NFIB: variants seen among roughly 807,000 people sequenced by gnomAD.
The protein encoded by NFIB is nuclear factor I B.
Under a neutral mutation model 61.5 loss-of-function variants are expected in NFIB, and 11 were observed. That is an observed-to-expected ratio of 0.18 (90% CI 0.11 to 0.30). The LOEUF (loss-of-function observed/expected upper bound fraction) is 0.30. Among genes scored for constraint, NFIB ranks in the 10% least tolerant of loss-of-function variants. The pLI is 1.00. For synonymous variants in NFIB, 260 were observed against 216.5 expected, an observed-to-expected ratio of 1.20 and a Z score of -1.76; for missense variants, 471 against 608.9, an observed-to-expected ratio of 0.77 and a Z score of 2.38.
chr9:14,354,780 C>CTGTGTGTG (rs67877825), intron 1 of NFIB, among the ~76,000 whole-genome samples: 5,468 of 145,798 alleles, frequency 0.038, 116 homozygotes, highest in Non-Finnish European at 0.048. Context: ...AATGGGTACT[C>CTGTGTGTG]TGTGTGTGTG....
chr9:14,102,398 G>A, intron 10 of NFIB: 1 of 1,528,720 alleles, frequency 6.5e-7, no homozygotes, highest in Non-Finnish European at 8.9e-7. Context: ...GTAAGTGTAG[G>A]GTTGGAAATA....
intron 2 of NFIB, among the ~76,000 whole-genome samples, chr9:14,235,314 G>C (rs1227160615): frequency 6.6e-6 from 1 of 152,182 alleles, no homozygotes; most frequent in Non-Finnish European, 1.5e-5. Context: ...TTTGTGTTTA[G>C]GAACTCCCAG....
At chr9:14,207,860 G>T (rs1435465789) in intron 2 of NFIB, among the ~76,000 whole-genome samples, 2 of 151,974 alleles carry the variant, frequency 1.3e-5, no homozygotes, top group African/African-American at 4.8e-5. Context: ...CTGAAAGACA[G>T]ATCCACCAAC....
intron 1 of NFIB, among the ~76,000 whole-genome samples, chr9:14,344,634 T>C (rs1003564250): frequency 3.3e-5 from 5 of 152,146 alleles, no homozygotes; most frequent in African/African-American, 1.2e-4. Flanking sequence ...AAGGATCCTA[T>C]TAATAATTGA....
chr9:14,407,781 G>A, the NFIB span, among the ~76,000 whole-genome samples: 1 of 152,054 alleles, frequency 6.6e-6, no homozygotes, highest in African/African-American at 2.4e-5. Context: ...AAACTCCTGG[G>A]CTCAAGCAAT....
At chr9:14,415,150 T>C in the NFIB span, among the ~76,000 whole-genome samples, 1 of 152,198 alleles carries the variant, frequency 6.6e-6, no homozygotes, top group East Asian at 1.9e-4. Context: ...ACTCAGGTTC[T>C]TAATAGAATT....
At chr9:14,278,596 A>G (rs1204319810) in intron 2 of NFIB, among the ~76,000 whole-genome samples, 1 of 152,140 alleles carries the variant, frequency 6.6e-6, no homozygotes, top group Non-Finnish European at 1.5e-5. Flanking sequence ...TTGGGTTTGG[A>G]GGTTAGTGAG....
intron 1 of NFIB, among the ~76,000 whole-genome samples, chr9:14,352,606 A>G (rs1032265855): frequency 6.6e-6 from 1 of 152,186 alleles, no homozygotes; most frequent in Non-Finnish European, 1.5e-5. Context: ...TGGACAAGCA[A>G]GTGTTTCCAT....
chr9:14,505,917 G>A, the NFIB span, among the ~76,000 whole-genome samples: 2 of 152,128 alleles, frequency 1.3e-5, no homozygotes, highest in Non-Finnish European at 2.9e-5. Flanking sequence ...CAAAGTAAAT[G>A]ATGTATTTTT....
At chr9:14,460,482 C>A in the NFIB span, among the ~76,000 whole-genome samples, 2 of 151,748 alleles carry the variant, frequency 1.3e-5, no homozygotes, top group South Asian at 4.2e-4. Flanking sequence ...CAAACCTGCA[C>A]GTTGTGCACA....
the NFIB span, among the ~76,000 whole-genome samples, chr9:14,412,825 C>A: frequency 1.3e-5 from 2 of 152,170 alleles, no homozygotes; most frequent in Admixed American, 1.3e-4. Context: ...GGAGCTTTTA[C>A]ATTTTATTTA....
chr9:14,238,012 G>T (rs576637914), intron 2 of NFIB, among the ~76,000 whole-genome samples: 7 of 152,150 alleles, frequency 4.6e-5, no homozygotes, highest in African/African-American at 1.7e-4. Context: ...TATGAAATAT[G>T]TGAGGTAGCT....
the NFIB span, among the ~76,000 whole-genome samples, chr9:14,517,951 T>A: frequency 6.6e-6 from 1 of 152,202 alleles, no homozygotes; most frequent in Non-Finnish European, 1.5e-5. Context: ...TAGCTCCAAG[T>A]CAGGCAATAC....
At chr9:14,519,990 G>T in the NFIB span, among the ~76,000 whole-genome samples, 1 of 151,616 alleles carries the variant, frequency 6.6e-6, no homozygotes. Context: ...AGTTCTCTAC[G>T]TTATAAACAT....
intron 2 of NFIB, among the ~76,000 whole-genome samples, chr9:14,286,416 T>G (rs1433980100): frequency 2.0e-5 from 3 of 152,240 alleles, no homozygotes; most frequent in Non-Finnish European, 4.4e-5. Context: ...CATGCTTGTA[T>G]GCTTGTTATG....
chr9:14,101,683 TA>T (rs1437585348), intron 10 of NFIB, among the ~76,000 whole-genome samples: 1 of 152,092 alleles, frequency 6.6e-6, no homozygotes, highest in Non-Finnish European at 1.5e-5. Flanking sequence ...TGTTCTTAAA[TA>T]AAATAAATAA....
the NFIB span, among the ~76,000 whole-genome samples, chr9:14,525,774 T>C: frequency 4.1e-4 from 62 of 152,276 alleles, no homozygotes; most frequent in Middle Eastern, 6.8e-3. Context: ...AATGTTCATG[T>C]GAATTTTTAA....
At chr9:14,122,608 T>C (rs533009274) in intron 7 of NFIB, among the ~76,000 whole-genome samples, 2 of 152,166 alleles carry the variant, frequency 1.3e-5, no homozygotes, top group Non-Finnish European at 2.9e-5. Context: ...AATACAAACA[T>C]CTAAGAAAAA....
intron 2 of NFIB, among the ~76,000 whole-genome samples, chr9:14,241,804 A>C (rs1311908762): frequency 6.6e-6 from 1 of 152,150 alleles, no homozygotes; most frequent in African/African-American, 2.4e-5. Context: ...ATTAAATCCC[A>C]TTCTTCCTCT....
Sources: gnomAD v4.1 joint callset for allele counts (sites outside exome capture counted in the v4.1 genomes callset) on GRCh38, gnomAD v4.1.1 for gene constraint, MANE v1.5 for transcripts, NCBI Gene and HGNC (gene_info 2026-07-23, HGNC 2026-07-21) for gene names.